Variants in C10orf90 observed in about 807,000 individuals in gnomAD.
C10orf90 encodes the protein chromosome 10 open reading frame 90, also known as (E2-independent) E3 ubiquitin-conjugating enzyme FATS.
Under a neutral mutation model 62.5 loss-of-function variants are expected in C10orf90, and 56 were observed. That is an observed-to-expected ratio of 0.90 (90% CI 0.72 to 1.12). C10orf90 has a LOEUF of 1.12. Among genes scored for constraint, C10orf90 ranks in the 50% most tolerant of loss-of-function variants. The pLI is 0.00. For synonymous variants in C10orf90, 386 were observed against 340.4 expected, an observed-to-expected ratio of 1.13 and a Z score of -1.47; for missense variants, 970 against 880.4, an observed-to-expected ratio of 1.10 and a Z score of -1.29.
At chr10:126,542,613 A>T (rs1160755126) in intron 2 of C10orf90, among the ~76,000 whole-genome samples, 1 of 152,240 alleles carries the variant, frequency 6.6e-6, no homozygotes, top group Non-Finnish European at 1.5e-5. Flanking sequence ...TTAACTGTTC[A>T]CTTTAAAACA....
At chr10:126,467,209 G>T (rs971770180) in intron 4 of C10orf90, among the ~76,000 whole-genome samples, 2 of 152,238 alleles carry the variant, frequency 1.3e-5, no homozygotes, top group Non-Finnish European at 2.9e-5. Context: ...TGTTCAGGCT[G>T]TGACTTGGAA....
rs112980619 is a variant in C10orf90, at chr10:126,523,926, A to G, written c.314-9987T>C. On this transcript the variant is annotated intron_variant, in intron 2 of 9. Coordinates refer to ENST00000488181, the MANE Select transcript of C10orf90 (RefSeq NM_001350921.2). ...TTTCCTTCCTTTTTAAGGATAAATGATATGCTATTGAATGTATATACTACA... is the reference window on the plus strand; with the variant it reads ...TTTCCTTCCTTTTTAAGGATAAATGGTATGCTATTGAATGTATATACTACA... 7.5e-3 allele frequency among the ~76,000 whole-genome samples: 1,148 copies of G among 152,316 alleles called. 9 individuals carry two copies. Among genetic ancestry groups the G allele is most frequent in the Non-Finnish European group, 0.013 (895 of 68,036 alleles).
chr10:126,526,023 A>AACAC (rs3040780), intron 2 of C10orf90, among the ~76,000 whole-genome samples: 15,356 of 138,686 alleles, frequency 0.11, 950 homozygotes, highest in Middle Eastern at 0.22. Context: ...CACCTGCCAC[A>AACAC]ACACACACAC....
chr10:126,584,107 A>G lies in C10orf90; in HGVS notation c.313+62458T>C, dbSNP rs111675283. ...TGCCCTCCAGCCTGGGTGACAGAGTAAGACTCTATCTCAGAAGAAATATGA... is the reference window on the plus strand; with the variant it reads ...TGCCCTCCAGCCTGGGTGACAGAGTGAGACTCTATCTCAGAAGAAATATGA... On this transcript the variant is annotated intron_variant, in intron 2 of 9. Transcript: ENST00000488181. Among the ~76,000 whole-genome samples, 1,206 of 152,164 alleles carry G rather than the reference A, an allele frequency of 7.9e-3. 14 individuals carry two copies. The highest frequency in any genetic ancestry group is 0.024 in the African/African-American group (1,013 of 41,522).
At chr10:126,596,040 T>C (rs1323606085) in intron 2 of C10orf90, among the ~76,000 whole-genome samples, 1 of 151,904 alleles carries the variant, frequency 6.6e-6, no homozygotes, top group Non-Finnish European at 1.5e-5. Flanking sequence ...TCTTTGTACC[T>C]TGGGGTAGGC....
chr10:126,543,739 C>A (rs978627471), intron 2 of C10orf90, among the ~76,000 whole-genome samples: 1 of 152,148 alleles, frequency 6.6e-6, no homozygotes, highest in African/African-American at 2.4e-5. Context: ...TGTTTGTTCT[C>A]TGGAAAATAA....
At chr10:126,565,855 T>C (rs983796020) in intron 2 of C10orf90, among the ~76,000 whole-genome samples, 6 of 152,182 alleles carry the variant, frequency 3.9e-5, no homozygotes, top group African/African-American at 1.4e-4. Flanking sequence ...ACCTCTCAGA[T>C]GCTGTGCTGC....
intron 1 of C10orf90, among the ~76,000 whole-genome samples, chr10:126,659,488 T>C (rs904649791): frequency 6.6e-6 from 1 of 152,216 alleles, no homozygotes; most frequent in Non-Finnish European, 1.5e-5. Context: ...TGAGAAAATA[T>C]TTCTCCCATT....
Position 126,565,760 on chromosome 10 carries a change from G to A in C10orf90, c.314-51821C>T, listed in dbSNP as rs1233056068. 2.6e-5 allele frequency among the ~76,000 whole-genome samples: 4 copies of A among 152,070 alleles called. No individual in the cohort carries two copies. The South Asian group carries it at 6.2e-4, about 24-fold the overall frequency. ...GAGCAGAGTCTCATCAGCCTTTGAT[G>A]TGGCCCAGTGGCCACATTCCTCTCT... On this transcript the variant is annotated intron_variant, in intron 2 of 9. Transcript: ENST00000488181.
Position 126,472,956 on chromosome 10 carries a change from G to GT in C10orf90, c.1535-7971dup, listed in dbSNP as rs751895740. Among the ~76,000 whole-genome samples the GT allele has an allele frequency of 2.6e-5, 4 of 152,236 alleles. No individual in the cohort carries two copies. The East Asian group carries it at 5.8e-4, about 22-fold the overall frequency. ...GCATTCCAGGGAAGGAGGAAACAAA[G>GT]TTTTTTTGTGGGTTTCTCCTGCTCC... is the stretch of plus-strand genomic sequence containing the variant. On this transcript the variant is annotated intron_variant, in intron 4 of 9. Transcript: ENST00000488181.
At position 126,489,990 on chromosome 10, in the gene C10orf90, ATATATATTATATAT is replaced by A. The variant is rs1253050980; in HGVS notation, c.1534+13953_1534+13966del. 1.9e-3 allele frequency among the ~76,000 whole-genome samples: 192 copies of A among 103,524 alleles called. 1 individual carries two copies. Among genetic ancestry groups the A allele is most frequent in the African/African-American group, 6.7e-3 (178 of 26,756 alleles). The allele number at this position is 103,524 out of a possible 152,430, so 67.9% of individuals were successfully genotyped here. On this transcript the variant is annotated intron_variant, in intron 4 of 9. Coordinates refer to ENST00000488181, the MANE Select transcript of C10orf90 (RefSeq NM_001350921.2). ...TATATATACATATAATATATATATA[ATATATATTATATAT>A]TATATATATTATATATAATATATAA... is the stretch of plus-strand genomic sequence containing the variant.
At chr10:126,663,792 T>C (rs1219597860) in intron 1 of C10orf90, among the ~76,000 whole-genome samples, 1 of 152,136 alleles carries the variant, frequency 6.6e-6, no homozygotes, top group Admixed American at 6.5e-5. Flanking sequence ...AAGTACCCTA[T>C]TTAAAAACAT....
chr10:126,626,020 T>G (rs2133822295), intron 2 of C10orf90, among the ~76,000 whole-genome samples: 1 of 151,858 alleles, frequency 6.6e-6, no homozygotes, highest in South Asian at 2.1e-4. Context: ...TCCCAGCTAC[T>G]TGGGAGGCTG....
chr10:126,597,238 A>T (rs1845105308), intron 2 of C10orf90, among the ~76,000 whole-genome samples: 1 of 152,266 alleles, frequency 6.6e-6, no homozygotes. Flanking sequence ...ATATGTCCAC[A>T]AAAAGACTTG....
At position 126,554,368 on chromosome 10, in the gene C10orf90, G is replaced by A. The variant is rs535480247; in HGVS notation, c.314-40429C>T. Among the ~76,000 whole-genome samples the A allele has an allele frequency of 3.9e-5, 6 of 152,198 alleles. No homozygotes were observed. In the South Asian group the frequency reaches 1.2e-3, roughly 32 times the overall value. On this transcript the variant is annotated intron_variant, in intron 2 of 9. Transcript: ENST00000488181. ...TAGTGCTTATCTTGGTGAGGCAGCT[G>A]GAGATAGTAGTTATGGATGAGGAAA...
rs1034751011 is a variant in C10orf90 at position 126,425,721 on chromosome 10, G to A, written c.*143C>T. ...TTGGCTTGGGTCAGTAATTCAGGAA[G>A]TGATGTTTTCCTTTATGGAAAAAAA... On this transcript the variant is annotated 3_prime_UTR_variant, in exon 10 of 10. Transcript: ENST00000488181. 1.2e-6 allele frequency: 1 copy of A among 800,160 alleles called. No homozygotes were observed. Among genetic ancestry groups the A allele is most frequent in the Non-Finnish European group, 1.9e-6 (1 of 518,464 alleles). 49.6% of individuals were successfully genotyped at this position (800,160 alleles called of 1,614,324 possible).
At chr10:126,586,981 T>A (rs12766951) in intron 2 of C10orf90, among the ~76,000 whole-genome samples, 6,365 of 152,298 alleles carry the variant, frequency 0.042, 186 homozygotes, top group Middle Eastern at 0.075. Context: ...GTGACCCATA[T>A]GGAAGAGCGT....
At chr10:126,661,986 G>C (rs1449839065) in intron 1 of C10orf90, among the ~76,000 whole-genome samples, 2 of 151,538 alleles carry the variant, frequency 1.3e-5, no homozygotes, top group African/African-American at 2.4e-5. Flanking sequence ...TATTATCTTG[G>C]TTATGAGTCA....
At chr10:126,562,872 G>T (rs1591100232) in intron 2 of C10orf90, among the ~76,000 whole-genome samples, 1 of 152,182 alleles carries the variant, frequency 6.6e-6, no homozygotes, top group African/African-American at 2.4e-5. Flanking sequence ...GGCTGCACTC[G>T]CACACAGCGC....
Sources: allele counts gnomAD v4.1 joint callset (sites outside exome capture counted in the v4.1 genomes callset), GRCh38; gene constraint gnomAD v4.1.1; transcripts MANE v1.5; gene names NCBI Gene and HGNC (gene_info 2026-07-23, HGNC 2026-07-21).